Variants in IDE observed in about 807,000 individuals in gnomAD.
IDE encodes insulin-degrading enzyme.
Under a neutral mutation model 133.2 loss-of-function variants are expected in IDE, and 58 were observed. The observed-to-expected ratio is 0.44, with a 90% CI of 0.35 to 0.54. The LOEUF is 0.54. Ranked by LOEUF, IDE falls within the 20% of genes least tolerant of loss-of-function variation. IDE has a pLI of 0.00. For missense variants in IDE, 981 were observed against 1,234.0 expected (o/e 0.79, Z 3.07); for synonymous variants, 396 against 421.3 (o/e 0.94, Z 0.73).
intron 4 of IDE, among the ~76,000 whole-genome samples, chr10:92,524,367 A>ATAAT (rs1442389716): frequency 2.9e-5 from 1 of 34,414 alleles, no homozygotes; most frequent in South Asian, 8.5e-4. Flanking sequence ...TTTATATTAT[A>ATAAT]ATATATATTA....
intron 11 of IDE, among the ~76,000 whole-genome samples, chr10:92,501,713 G>A (rs191928366): frequency 8.1e-4 from 123 of 151,596 alleles, no homozygotes; most frequent in South Asian, 1.9e-3. Flanking sequence ...GGTGACTCAC[G>A]CCTGTAATCC....
rs556945257 is a variant in IDE, at chr10:92,510,297, CCTAT to C, written c.785-139_785-136del. ...AATGTGAAAATGATTACACCTCACACCTATCTGTTTCTACTTTAAAAAATTATTC... is the reference window on the plus strand; with the variant it reads ...AATGTGAAAATGATTACACCTCACACCTGTTTCTACTTTAAAAAATTATTC... On this transcript the variant is annotated intron_variant, in intron 5 of 24. Transcript: ENST00000265986. 249 of 438,428 alleles carry C rather than the reference CCTAT, an allele frequency of 5.7e-4. No homozygotes were observed. The East Asian group carries it at 6.8e-3, about 12-fold the overall frequency. The allele number at this position is 438,428 out of a possible 1,614,324, so 27.2% of individuals were successfully genotyped here. A position where few individuals can be genotyped will look rare whatever the true frequency, so the allele number is the denominator to read the frequency against.
intron 6 of IDE, 113 bp downstream of exon 6, chr10:92,509,937 A>AC (rs894546861): frequency 2.3e-5 from 13 of 570,598 alleles, no homozygotes; most frequent in Admixed American, 6.2e-5. Context: ...AAAAAAAAAA[A>AC]AACACAACAT....
rs777440809 is a variant in IDE at position 92,474,828 on chromosome 10, T to C, written c.2116+13A>G. ...AATGAAGAAAGCATTAAGCTTTAAG[T>C]AGAAAGTCTCACCATCCAGAGCTTC... On this transcript the variant is annotated intron_variant, in intron 17 of 24. Coordinates refer to ENST00000265986, the MANE Select transcript of IDE (RefSeq NM_004969.4). 1 of 1,600,956 alleles carries C rather than the reference T, an allele frequency of 6.2e-7. No homozygotes were observed. The highest frequency in any genetic ancestry group is 1.1e-5 in the South Asian group (1 of 87,858).
intron 4 of IDE, among the ~76,000 whole-genome samples, chr10:92,528,884 C>G (rs561115224): frequency 6.4e-4 from 98 of 152,126 alleles, no homozygotes; most frequent in South Asian, 1.5e-3. Context: ...CGAGACCAGC[C>G]TGGCTAACAT....
intron 14 of IDE, 41 bp from the exon 15 acceptor site, chr10:92,479,462 C>T (rs1846475720): frequency 6.6e-7 from 1 of 1,519,086 alleles, no homozygotes; most frequent in Non-Finnish European, 9.1e-7. Flanking sequence ...GATTTTATTA[C>T]TTCTCAATGT....
intron 22 of IDE, among the ~76,000 whole-genome samples, chr10:92,459,458 T>C (rs766137290): frequency 4.6e-5 from 7 of 152,132 alleles, no homozygotes; most frequent in Middle Eastern, 3.2e-3. Flanking sequence ...AAAAATACTG[T>C]AGAGTATCTC....
chr10:92,473,439 C>A (rs1218923943), intron 17 of IDE, among the ~76,000 whole-genome samples: 2 of 151,258 alleles, frequency 1.3e-5, no homozygotes, highest in South Asian at 4.2e-4. Flanking sequence ...TAATATTATA[C>A]TAGATACTAA....
At chr10:92,571,065 C>T (rs960183095) in intron 1 of IDE, among the ~76,000 whole-genome samples, 1 of 151,766 alleles carries the variant, frequency 6.6e-6, no homozygotes, top group African/African-American at 2.4e-5. Context: ...ACTGCACCTC[C>T]GCCTCCTGGG....
At chr10:92,533,352 C>T (rs1037941845) in intron 3 of IDE, among the ~76,000 whole-genome samples, 3 of 152,072 alleles carry the variant, frequency 2.0e-5, no homozygotes, top group East Asian at 1.9e-4. Context: ...AAGCTGCTGC[C>T]TAAAGACTGA....
chr10:92,532,456 GA>G (rs906040128), intron 3 of IDE, among the ~76,000 whole-genome samples: 9 of 151,894 alleles, frequency 5.9e-5, no homozygotes, highest in Non-Finnish European at 1.3e-4. Context: ...GAATTAGTAG[GA>G]AAAAACATAA....
intron 1 of IDE, among the ~76,000 whole-genome samples, chr10:92,562,856 C>T (rs1843342446): frequency 6.6e-6 from 1 of 152,198 alleles, no homozygotes; most frequent in African/African-American, 2.4e-5. Context: ...AAAAGAAAAG[C>T]AGGCTGGGTG....
At chr10:92,547,957 C>T (rs898931774) in intron 1 of IDE, among the ~76,000 whole-genome samples, 1 of 152,090 alleles carries the variant, frequency 6.6e-6, no homozygotes, top group Non-Finnish European at 1.5e-5. Flanking sequence ...CCCTATGTTG[C>T]GCAGGCTGAA....
intron 4 of IDE, among the ~76,000 whole-genome samples, chr10:92,519,923 G>T (rs1389055945): frequency 6.6e-6 from 1 of 152,140 alleles, no homozygotes; most frequent in Non-Finnish European, 1.5e-5. Context: ...TGGCCAACAT[G>T]GCAAAACCCC....
At chr10:92,560,329 T>G (rs78681575) in intron 1 of IDE, among the ~76,000 whole-genome samples, 1 of 152,216 alleles carries the variant, frequency 6.6e-6, no homozygotes, top group Non-Finnish European at 1.5e-5. Context: ...TTATGTGACC[T>G]GACTGACCAG....
chr10:92,557,518 A>C (rs1329772886), intron 1 of IDE, among the ~76,000 whole-genome samples: 1 of 151,990 alleles, frequency 6.6e-6, no homozygotes, highest in African/African-American at 2.4e-5. Flanking sequence ...CCTGGGAGAA[A>C]GACTCCATCT....
At chr10:92,507,490 C>T in intron 9 of IDE, 85 bp downstream of exon 9, 1 of 785,230 alleles carries the variant, frequency 1.3e-6, no homozygotes. Flanking sequence ...AAAAGTTTAA[C>T]TGGGCCTTAA....
At chr10:92,522,292 C>T (rs961409588) in intron 4 of IDE, among the ~76,000 whole-genome samples, 5 of 152,150 alleles carry the variant, frequency 3.3e-5, no homozygotes, top group African/African-American at 1.2e-4. Context: ...TATACTCAAA[C>T]TATCCTAACT....
At chr10:92,456,844 C>CAAAAAAAA (rs57422406) in intron 22 of IDE, among the ~76,000 whole-genome samples, 36 of 52,182 alleles carry the variant, frequency 6.9e-4, no homozygotes, top group East Asian at 1.3e-3. Flanking sequence ...GACTCTGTCT[C>CAAAAAAAA]AAAAAAAAAA....
Sources: gnomAD v4.1 joint callset for allele counts (sites outside exome capture counted in the v4.1 genomes callset) on GRCh38, gnomAD v4.1.1 for gene constraint, MANE v1.5 for transcripts, NCBI Gene and HGNC (gene_info 2026-07-23, HGNC 2026-07-21) for gene names.